The following CDC27 variants were observed in gnomAD, a reference collection of about 807,000 sequenced individuals.
CDC27 encodes the protein cell division cycle protein 27 homolog.
In CDC27, 27 loss-of-function variants were observed where a neutral mutation model predicts 109.7. The ratio of observed to expected loss-of-function variants is 0.25; its 90% CI spans 0.18 to 0.34. The LOEUF (loss-of-function observed/expected upper bound fraction) is 0.34. Ranked by LOEUF, CDC27 falls within the 10% of genes least tolerant of loss-of-function variation. CDC27 has a pLI of 1.00. For synonymous variants in CDC27, 266 were observed against 333.9 expected (o/e 0.80, Z 2.22); for missense variants, 579 against 960.2 (o/e 0.60, Z 5.25).
intron 18 of CDC27, among the ~76,000 whole-genome samples, chr17:47,121,487 GAGTGC>G (rs1302794850): frequency 6.6e-6 from 1 of 152,136 alleles, no homozygotes; most frequent in Non-Finnish European, 1.5e-5. Context: ...ACCTAGGCTG[GAGTGC>G]AGTGGCACAA....
chr17:47,178,983 G>T (rs757639018), intron 2 of CDC27, among the ~76,000 whole-genome samples: 1 of 152,060 alleles, frequency 6.6e-6, no homozygotes, highest in Non-Finnish European at 1.5e-5. Flanking sequence ...GTATTTTTTA[G>T]TAGAGATGGG....
intron 13 of CDC27, among the ~76,000 whole-genome samples, chr17:47,137,724 T>C (rs982857881): frequency 2.0e-5 from 3 of 152,060 alleles, no homozygotes; most frequent in Non-Finnish European, 2.9e-5. Context: ...CTGGGGACAG[T>C]TGGACAGAAT....
intron 14 of CDC27, among the ~76,000 whole-genome samples, chr17:47,136,283 C>T (rs1402528054): frequency 6.6e-6 from 1 of 152,180 alleles, no homozygotes; most frequent in Admixed American, 6.5e-5. Context: ...GGCCATCTTT[C>T]AGGCAATGTA....
intron 9 of CDC27, among the ~76,000 whole-genome samples, chr17:47,144,864 GTGT>G (rs2062906164): frequency 8.6e-6 from 1 of 116,006 alleles, no homozygotes; most frequent in African/African-American, 2.8e-5. Flanking sequence ...ATGCATGTGT[GTGT>G]ATATCACACA....
chr17:47,184,766 TG>T (rs1279216022), intron 1 of CDC27, among the ~76,000 whole-genome samples: 1 of 152,144 alleles, frequency 6.6e-6, no homozygotes, highest in Admixed American at 6.5e-5. Context: ...GTGCCGGGAT[TG>T]GGGGGAAGAA....
Position 47,120,964 on chromosome 17 carries a change from G to A in CDC27, c.2446C>T (p.Leu816Phe). 1 of 1,613,156 alleles carries A rather than the reference G, an allele frequency of 6.2e-7. No individual in the cohort carries two copies. The highest frequency in any genetic ancestry group is 8.5e-7 in the Non-Finnish European group (1 of 1,179,394). ...SSMTDADDTQ[L>F]HAAESDEF ...AATTCATCACTTTCAGCTGCATGAA[G>A]TTGTGTGTCATCCGCATCTGTCATG... Residue 816 changes from leucine (L) to phenylalanine (F), a missense_variant, in exon 19 of 19, where the codon CTT (leucine) becomes TTT (phenylalanine). Leu to Phe is a conservative substitution (Grantham distance 22). Coordinates refer to ENST00000066544, the MANE Select transcript of CDC27 (RefSeq NM_001256.6).
intron 16 of CDC27, among the ~76,000 whole-genome samples, chr17:47,124,645 G>A (rs2062080861): frequency 6.6e-6 from 1 of 152,176 alleles, no homozygotes; most frequent in African/African-American, 2.4e-5. Context: ...AAAAGTTATT[G>A]AGAAGAGTGG....
intron 9 of CDC27, among the ~76,000 whole-genome samples, chr17:47,150,507 T>A (rs2063121373): frequency 6.6e-6 from 1 of 152,120 alleles, no homozygotes; most frequent in African/African-American, 2.4e-5. Context: ...ACACCTGGGG[T>A]TATCAGAAGC....
intron 6 of CDC27, 35 bp from the exon 7 acceptor site, chr17:47,157,159 T>C: frequency 1.3e-6 from 2 of 1,539,168 alleles, no homozygotes; most frequent in Non-Finnish European, 1.8e-6. Flanking sequence ...TCATTCACAA[T>C]ATATTATTTA....
intron 10 of CDC27, 73 bp downstream of exon 10, chr17:47,143,810 G>T: frequency 1.7e-6 from 1 of 587,196 alleles, no homozygotes; most frequent in Non-Finnish European, 2.8e-6. Context: ...ATTAGGAATG[G>T]AGTCATCAAT....
chr17:47,184,284 G>A (rs1053328355), intron 1 of CDC27, among the ~76,000 whole-genome samples: 4 of 152,112 alleles, frequency 2.6e-5, no homozygotes, highest in East Asian at 3.8e-4. Context: ...CATACATTAA[G>A]CACTTGGAAA....
In CDC27 at chr17:47,124,580, G is replaced by A. The variant is rs527630769; in HGVS notation, c.2161-620C>T. ...ATTACAGGCGTGAGCCACCATGCCC[G>A]GCCCAGTGATTTATTTTTTAACGAA... On this transcript the variant is annotated intron_variant, in intron 16 of 18. Coordinates refer to ENST00000066544, the MANE Select transcript of CDC27 (RefSeq NM_001256.6). Among the ~76,000 whole-genome samples the A allele has an allele frequency of 6.2e-4, 94 of 152,124 alleles. 1 individual carries two copies. Among genetic ancestry groups the A allele is most frequent in the Non-Finnish European group, 1.0e-3 (69 of 67,992 alleles).
chr17:47,144,815 C>T (rs954791047), intron 9 of CDC27, among the ~76,000 whole-genome samples: 1 of 151,712 alleles, frequency 6.6e-6, no homozygotes, highest in African/African-American at 2.4e-5. Context: ...TCATCTTTTA[C>T]GATATGTACA....
At chr17:47,135,824 C>A (rs903959650) in intron 14 of CDC27, among the ~76,000 whole-genome samples, 8 of 151,762 alleles carry the variant, frequency 5.3e-5, no homozygotes, top group African/African-American at 1.7e-4. Context: ...GGGAAAAAAT[C>A]AAAAACAACA....
intron 9 of CDC27, among the ~76,000 whole-genome samples, chr17:47,146,071 A>G (rs1269592453): frequency 6.6e-6 from 1 of 152,196 alleles, no homozygotes; most frequent in East Asian, 1.9e-4. Flanking sequence ...AACTTGGCTC[A>G]AATTCCTGGT....
intron 4 of CDC27, among the ~76,000 whole-genome samples, chr17:47,164,011 G>A (rs568066102): frequency 1.3e-5 from 2 of 152,282 alleles, no homozygotes; most frequent in East Asian, 1.9e-4. Flanking sequence ...TGATCTGCCC[G>A]CCTCGGCCTC....
At chr17:47,150,617 A>G (rs1598479670) in intron 9 of CDC27, among the ~76,000 whole-genome samples, 1 of 152,258 alleles carries the variant, frequency 6.6e-6, no homozygotes, top group South Asian at 2.1e-4. Flanking sequence ...CTGTAAGAGA[A>G]TAAGTATCTG....
Position 47,157,104 on chromosome 17 carries a change from T to A in CDC27, c.651A>T (p.Leu217Phe). 6.3e-7 allele frequency: 1 copy of A among 1,579,946 alleles called. No homozygotes were observed. Among genetic ancestry groups the A allele is most frequent in the Non-Finnish European group, 8.6e-7 (1 of 1,161,888 alleles). Reference sequence around the variant, plus strand: ...AGGAGTACTTTGAATTGGAAGATTCTAAATTCAATCTGTTTAATTCCTGAA... The same window carrying A: ...AGGAGTACTTTGAATTGGAAGATTCAAAATTCAATCTGTTTAATTCCTGAA... ...QDTIELNRLNLESSNSKYSLN... is the reference protein window; with the variant it reads ...QDTIELNRLNFESSNSKYSLN... The change falls in exon 7 of 19, where the codon TTA becomes TTT. Residue 217 changes from leucine to phenylalanine, a missense_variant. This residue lies in a region of CDC27 where 57 missense variants were observed against 59.0 expected (regional missense o/e 0.97). Coordinates refer to ENST00000066544, the MANE Select transcript of CDC27 (RefSeq NM_001256.6).
intron 9 of CDC27, among the ~76,000 whole-genome samples, chr17:47,149,077 C>CAAAAAA (rs71138591): frequency 1.0e-3 from 66 of 65,990 alleles, no homozygotes; most frequent in East Asian, 1.7e-3. Flanking sequence ...GACTCTGTCT[C>CAAAAAA]AAAAAAAAAA....
Sources: allele counts gnomAD v4.1 joint callset (sites outside exome capture counted in the v4.1 genomes callset), GRCh38; gene constraint gnomAD v4.1.1; regional missense constraint gnomAD v4.1.1; transcripts MANE v1.5; gene names NCBI Gene and HGNC (gene_info 2026-07-23, HGNC 2026-07-21).